The following SLC14A2 variants were observed in gnomAD, a reference collection of about 807,000 sequenced individuals.
SLC14A2 encodes the protein solute carrier family 14 member 2.
A neutral mutation model predicts 104.6 loss-of-function variants in SLC14A2; 91 were observed. The ratio of observed to expected loss-of-function variants is 0.87; its 90% confidence interval spans 0.73 to 1.04. SLC14A2 has a LOEUF of 1.04. Ranked by LOEUF, SLC14A2 falls within the 50% of genes least tolerant of loss-of-function variation. SLC14A2 has a pLI of 0.00. For missense variants in SLC14A2, 1,189 were observed against 1,156.0 expected, an observed-to-expected ratio of 1.03 and a Z score of -0.41; for synonymous variants, 476 against 466.4, an observed-to-expected ratio of 1.02 and a Z score of -0.27.
At chr18:45,178,534 T>A in the SLC14A2 span, among the ~76,000 whole-genome samples, 1 of 151,900 alleles carries the variant, frequency 6.6e-6, no homozygotes, top group Non-Finnish European at 1.5e-5. Context: ...TACCTCTGAG[T>A]AGAAAAAATA....
chr18:45,425,615 C>T (rs1414176081), intron 1 of SLC14A2, among the ~76,000 whole-genome samples: 1 of 152,144 alleles, frequency 6.6e-6, no homozygotes, highest in African/African-American at 2.4e-5. Flanking sequence ...TTTGAACTAG[C>T]TTGTGCTGAG....
At chr18:45,551,269 G>A (rs566037676) in intron 2 of SLC14A2, among the ~76,000 whole-genome samples, 4 of 152,220 alleles carry the variant, frequency 2.6e-5, no homozygotes, top group Middle Eastern at 3.4e-3. Context: ...TGGGGAACTG[G>A]GCGGTGTGAT....
intron 1 of SLC14A2, among the ~76,000 whole-genome samples, chr18:45,454,272 C>T (rs1416566408): frequency 6.6e-6 from 1 of 152,168 alleles, no homozygotes; most frequent in Non-Finnish European, 1.5e-5. Flanking sequence ...GATCTGAATG[C>T]ATGTTAGACT....
At chr18:45,202,235 G>T in the SLC14A2 span, among the ~76,000 whole-genome samples, 2 of 152,094 alleles carry the variant, frequency 1.3e-5, no homozygotes, top group African/African-American at 4.8e-5. Context: ...TATAGATATA[G>T]CAAAAGCCCA....
chr18:45,497,939 A>G (rs140711614), intron 2 of SLC14A2, among the ~76,000 whole-genome samples: 54 of 152,354 alleles, frequency 3.5e-4, no homozygotes, highest in African/African-American at 1.2e-3. Context: ...GGAGAACTGC[A>G]GGAGGAGAGC....
chr18:45,446,028 A>G (rs1408201632), intron 1 of SLC14A2, among the ~76,000 whole-genome samples: 2 of 152,212 alleles, frequency 1.3e-5, no homozygotes, highest in Non-Finnish European at 2.9e-5. Flanking sequence ...CTTAGGCTAT[A>G]TAATTTTCTC....
intron 19 of SLC14A2, 74 bp from the exon 20 acceptor site, chr18:45,682,245 G>A: frequency 7.6e-7 from 1 of 1,313,282 alleles, no homozygotes; most frequent in Non-Finnish European, 1.1e-6. Context: ...AGGGCTGTAG[G>A]TGATTGATAA....
chr18:45,583,237 T>C (rs889792827), intron 2 of SLC14A2, among the ~76,000 whole-genome samples: 7 of 152,220 alleles, frequency 4.6e-5, no homozygotes, highest in Admixed American at 4.6e-4. Flanking sequence ...CCAAGCCACT[T>C]GGCAACCCCA....
At chr18:45,566,775 C>G (rs1349263927) in intron 2 of SLC14A2, among the ~76,000 whole-genome samples, 1 of 152,194 alleles carries the variant, frequency 6.6e-6, no homozygotes, top group African/African-American at 2.4e-5. Flanking sequence ...GAACAGGTAA[C>G]TGCAGGGCGG....
rs1226834299 is a variant in SLC14A2 at position 45,675,707 on chromosome 18, ATAT to A, written c.2512+1892_2512+1894del. ...TTTCTATATATATATATATATATAT[ATAT>A]TTTTTTTTTTTTTTTTTTTGGAGAG... On this transcript the variant is annotated intron_variant, in intron 18 of 19. Coordinates refer to ENST00000255226, the MANE Select transcript of SLC14A2 (RefSeq NM_007163.4). Among the ~76,000 whole-genome samples the A allele has an allele frequency of 4.8e-4, 40 of 83,440 alleles. 1 individual carries two copies. The highest frequency in any genetic ancestry group is 2.7e-3 in the East Asian group (7 of 2,630). The allele number at this position is 83,440 out of a possible 152,430, so 54.7% of individuals were successfully genotyped here.
At chr18:45,341,390 GA>G (rs1257414015) in intron 1 of SLC14A2, among the ~76,000 whole-genome samples, 1 of 152,126 alleles carries the variant, frequency 6.6e-6, no homozygotes, top group African/African-American at 2.4e-5. Flanking sequence ...ACAGAGTGGT[GA>G]AAAATTACGG....
intron 1 of SLC14A2, among the ~76,000 whole-genome samples, chr18:45,352,343 G>A (rs1228551331): frequency 6.6e-6 from 1 of 152,120 alleles, no homozygotes; most frequent in African/African-American, 2.4e-5. Context: ...TCCATCCAGA[G>A]GGCAAGTTTT....
intron 9 of SLC14A2, among the ~76,000 whole-genome samples, chr18:45,643,538 T>A (rs1202269717): frequency 6.6e-6 from 1 of 152,178 alleles, no homozygotes; most frequent in Non-Finnish European, 1.5e-5. Context: ...TGTTTTGTTT[T>A]TGTTTTCTTT....
chr18:45,460,109 A>G (rs2087016952), intron 1 of SLC14A2, among the ~76,000 whole-genome samples: 1 of 152,198 alleles, frequency 6.6e-6, no homozygotes, highest in East Asian at 1.9e-4. Context: ...TTGAGTTTCC[A>G]CTGGCATGAA....
At chr18:45,201,685 T>C in the SLC14A2 span, among the ~76,000 whole-genome samples, 1 of 152,170 alleles carries the variant, frequency 6.6e-6, no homozygotes, top group Admixed American at 6.6e-5. Context: ...TTTGTTTGTT[T>C]TAGTGAGTAG....
At chr18:45,317,677 C>T (rs1348127031) in intron 1 of SLC14A2, among the ~76,000 whole-genome samples, 1 of 152,206 alleles carries the variant, frequency 6.6e-6, no homozygotes, top group Non-Finnish European at 1.5e-5. Context: ...CGAAAATCAC[C>T]TCTAGCCCAG....
intron 2 of SLC14A2, among the ~76,000 whole-genome samples, chr18:45,608,359 G>C (rs1189118621): frequency 2.0e-5 from 3 of 152,164 alleles, no homozygotes; most frequent in African/African-American, 7.2e-5. Flanking sequence ...CAGTACACTG[G>C]GCCCTCTGTG....
chr18:45,297,001 C>T (rs1264876081), intron 1 of SLC14A2, among the ~76,000 whole-genome samples: 1 of 152,060 alleles, frequency 6.6e-6, no homozygotes, highest in Non-Finnish European at 1.5e-5. Context: ...TATTATTCTG[C>T]CTCTTATTTT....
upstream of SLC14A2, among the ~76,000 whole-genome samples, chr18:45,208,606 C>A (rs768815840): frequency 6.6e-6 from 1 of 152,100 alleles, no homozygotes; most frequent in Non-Finnish European, 1.5e-5. Flanking sequence ...GAGTAAGCCT[C>A]GTTAGTTAAA....
Sources: gnomAD v4.1 joint callset for allele counts (sites outside exome capture counted in the v4.1 genomes callset) on GRCh38, gnomAD v4.1.1 for gene constraint, MANE v1.5 for transcripts, NCBI Gene and HGNC (gene_info 2026-07-23, HGNC 2026-07-21) for gene names.